The following SLC8A1 variants were observed in gnomAD, a reference collection of about 807,000 sequenced individuals.
The protein encoded by SLC8A1 is sodium/calcium exchanger 1.
In SLC8A1, 18 loss-of-function variants were observed where a neutral mutation model predicts 68.3. That is an observed-to-expected ratio of 0.26 (90% CI 0.18 to 0.39). The LOEUF is 0.39. Among genes scored for constraint, SLC8A1 ranks in the 10% least tolerant of loss-of-function variants. SLC8A1 has a pLI of 1.00. For synonymous variants in SLC8A1, 475 were observed against 415.5 expected (o/e 1.14, Z -1.74); for missense variants, 985 against 1,156.7 (o/e 0.85, Z 2.15).
intron 2 of SLC8A1, among the ~76,000 whole-genome samples, chr2:40,234,850 G>A (rs1157253115): frequency 3.3e-5 from 5 of 152,108 alleles, no homozygotes; most frequent in Non-Finnish European, 7.3e-5. Context: ...TGCATCTATT[G>A]AGATAATCAT....
exon 8 of SLC8A1, chr2:40,104,251 A>G (rs768478641): frequency 2.0e-5 from 3 of 152,200 alleles, no homozygotes; most frequent in African/African-American, 4.8e-5. Context: ...AAAGTCCAAA[A>G]GAGCAACAGG....
chr2:40,451,148 C>G (rs1576588346), intron 1 of SLC8A1, among the ~76,000 whole-genome samples: 2 of 152,206 alleles, frequency 1.3e-5, no homozygotes, highest in African/African-American at 4.8e-5. Flanking sequence ...ATCTTCACAT[C>G]TCAGAACACA....
intron 2 of SLC8A1, among the ~76,000 whole-genome samples, chr2:40,394,653 C>T (rs1464420832): frequency 6.6e-6 from 1 of 152,074 alleles, no homozygotes; most frequent in Non-Finnish European, 1.5e-5. Flanking sequence ...CTTTAGAGAA[C>T]TGTGATTGCA....
chr2:40,375,142 G>A (rs954859598), intron 2 of SLC8A1, among the ~76,000 whole-genome samples: 18 of 152,136 alleles, frequency 1.2e-4, no homozygotes, highest in African/African-American at 4.3e-4. Context: ...GTGGTCACAA[G>A]ACACACTTGA....
chr2:40,192,614 T>C (rs2052097109), intron 2 of SLC8A1, among the ~76,000 whole-genome samples: 1 of 152,120 alleles, frequency 6.6e-6, no homozygotes, highest in Non-Finnish European at 1.5e-5. Context: ...ATAAATCCTA[T>C]TCAATAAAAT....
At chr2:40,120,832 A>G (rs1296572549) in intron 7 of SLC8A1, 3 of 152,212 alleles carry the variant, frequency 2.0e-5, no homozygotes, top group African/African-American at 7.2e-5. Flanking sequence ...ATCAACTTCA[A>G]ATCACTCTGA....
intron 2 of SLC8A1, among the ~76,000 whole-genome samples, chr2:40,277,463 C>G (rs1349081526): frequency 6.6e-6 from 1 of 151,954 alleles, no homozygotes; most frequent in Admixed American, 6.6e-5. Flanking sequence ...TCACTTGAAC[C>G]TCGGAGGCAG....
At chr2:40,280,610 C>A (rs2067370470) in intron 2 of SLC8A1, among the ~76,000 whole-genome samples, 1 of 152,132 alleles carries the variant, frequency 6.6e-6, no homozygotes, top group Non-Finnish European at 1.5e-5. Context: ...ACTGGGAATG[C>A]TGAAATAAAA....
At chr2:40,265,220 G>C (rs930438985) in intron 2 of SLC8A1, among the ~76,000 whole-genome samples, 2 of 152,104 alleles carry the variant, frequency 1.3e-5, no homozygotes, top group African/African-American at 4.8e-5. Flanking sequence ...TATTATTTTA[G>C]GTCACTGCAA....
intron 2 of SLC8A1, among the ~76,000 whole-genome samples, chr2:40,242,514 A>C (rs1040066134): frequency 1.3e-5 from 2 of 152,178 alleles, no homozygotes; most frequent in Non-Finnish European, 2.9e-5. Context: ...TCCACTAACA[A>C]GAACAATGGT....
At chr2:40,244,654 C>T (rs967578189) in intron 2 of SLC8A1, among the ~76,000 whole-genome samples, 3 of 86,184 alleles carry the variant, frequency 3.5e-5, no homozygotes, top group African/African-American at 1.0e-4. Flanking sequence ...ATGCAATGAT[C>T]GAGGCCTTTT....
intron 3 of SLC8A1, among the ~76,000 whole-genome samples, chr2:40,177,229 G>C (rs1395337623): frequency 1.3e-5 from 2 of 152,020 alleles, no homozygotes; most frequent in Non-Finnish European, 2.9e-5. Context: ...AAGGATCTTT[G>C]TTCTTATTAA....
chr2:40,215,122 G>C lies in SLC8A1; in HGVS notation c.1809-37267C>G, dbSNP rs993740318. Among the ~76,000 whole-genome samples, 35 of 152,014 alleles carry C rather than the reference G, an allele frequency of 2.3e-4. 1 individual carries two copies. The highest frequency in any genetic ancestry group is 2.2e-3 in the Admixed American group (33 of 15,270). On this transcript the variant is annotated intron_variant, in intron 2 of 7. Transcript: ENST00000406785. ...TTCTTTTCTCTGCTAAAGTATTTATGAGTTGTAGCACAGAGAAAGAGCTCA... is the reference window on the plus strand; with the variant it reads ...TTCTTTTCTCTGCTAAAGTATTTATCAGTTGTAGCACAGAGAAAGAGCTCA...
chr2:40,284,496 T>C (rs2067993478), intron 2 of SLC8A1, among the ~76,000 whole-genome samples: 1 of 147,220 alleles, frequency 6.8e-6, no homozygotes, highest in Non-Finnish European at 1.5e-5. Context: ...TACATACATA[T>C]CTAGCCAACA....
intron 2 of SLC8A1, among the ~76,000 whole-genome samples, chr2:40,332,688 A>G (rs2076541229): frequency 6.6e-6 from 1 of 152,238 alleles, no homozygotes; most frequent in Admixed American, 6.5e-5. Context: ...CTTATGGGAA[A>G]GGAATGTCAA....
intron 6 of SLC8A1, among the ~76,000 whole-genome samples, chr2:40,143,015 T>C (rs964293905): frequency 5.3e-5 from 8 of 152,064 alleles, no homozygotes; most frequent in African/African-American, 1.9e-4. Flanking sequence ...AGGCTTCCAA[T>C]ATCACAAAGA....
chr2:40,273,222 T>G (rs948084550), intron 2 of SLC8A1, among the ~76,000 whole-genome samples: 9 of 151,550 alleles, frequency 5.9e-5, no homozygotes, highest in African/African-American at 1.7e-4. Context: ...ATTACAGGCA[T>G]GAACCACCAT....
intron 6 of SLC8A1, among the ~76,000 whole-genome samples, chr2:40,147,692 C>G (rs1340059613): frequency 2.0e-5 from 3 of 152,116 alleles, no homozygotes; most frequent in Non-Finnish European, 4.4e-5. Context: ...TTTTAACAGA[C>G]ATATCAATGT....
Position 40,122,214 on chromosome 2 carries a change from A to G in SLC8A1, c.2438-6585T>C, listed in dbSNP as rs1472322241. ...CAAGTGCATGCGCGCGCGCACACAC[A>G]CACACACACACGTGTGCGCGCGCAC... On this transcript the variant is annotated intron_variant, in intron 7 of 7. Transcript: ENST00000406785. 3.4e-5 allele frequency among the ~76,000 whole-genome samples: 5 copies of G among 147,274 alleles called. No homozygotes were observed. The East Asian group carries it at 6.1e-4, about 18-fold the overall frequency.
Sources: allele counts gnomAD v4.1 joint callset (sites outside exome capture counted in the v4.1 genomes callset), GRCh38; gene constraint gnomAD v4.1.1; transcripts MANE v1.5; gene names NCBI Gene and HGNC (gene_info 2026-07-23, HGNC 2026-07-21).